The following KLHL6 variants were observed in gnomAD, a reference collection of about 807,000 sequenced individuals.
The protein encoded by KLHL6 is kelch-like protein 6.
In KLHL6, 41 loss-of-function variants were observed where a neutral mutation model predicts 58.6. The observed-to-expected ratio is 0.70, with a 90% confidence interval of 0.55 to 0.91. KLHL6 has a LOEUF of 0.91. Among genes scored for constraint, KLHL6 ranks in the 40% least tolerant of loss-of-function variants. The pLI is 0.00. For synonymous variants in KLHL6, 338 were observed against 322.7 expected (o/e 1.05, Z -0.51); for missense variants, 714 against 805.6 (o/e 0.89, Z 1.38).
At chr3:183,540,186 A>AT (rs909675620) in intron 1 of KLHL6, among the ~76,000 whole-genome samples, 3 of 152,200 alleles carry the variant, frequency 2.0e-5, no homozygotes, top group African/African-American at 7.2e-5. Flanking sequence ...TTTCTTTGGA[A>AT]TTACTGAGAA....
rs1167475161 is a variant in KLHL6, at chr3:183,511,594, G to A, written c.460-3086C>T. On this transcript the variant is annotated intron_variant, in intron 2 of 6. Transcript: ENST00000341319. ...TGGGGAAAGACCTTGGACAATACCC[G>A]GCTTTCCAGGGCAGAGGTCCCTGCG... is the stretch of plus-strand genomic sequence containing the variant. Among the ~76,000 whole-genome samples, 5 of 152,286 alleles carry A rather than the reference G, an allele frequency of 3.3e-5. No homozygotes were observed. In the East Asian group the frequency reaches 5.8e-4, roughly 18 times the overall value.
intron 1 of KLHL6, among the ~76,000 whole-genome samples, chr3:183,554,234 A>G (rs1201348435): frequency 6.6e-6 from 1 of 152,062 alleles, no homozygotes; most frequent in Non-Finnish European, 1.5e-5. Flanking sequence ...TAAAATTCCT[A>G]CCCCAGGGAC....
intron 3 of KLHL6, among the ~76,000 whole-genome samples, chr3:183,503,794 C>T (rs977185981): frequency 2.0e-5 from 3 of 152,026 alleles, no homozygotes; most frequent in African/African-American, 7.2e-5. Context: ...AAAAACAAAA[C>T]AAAATAAAAC....
chr3:183,515,483 G>C (rs1046359861), intron 2 of KLHL6, among the ~76,000 whole-genome samples: 3 of 152,196 alleles, frequency 2.0e-5, no homozygotes, highest in Non-Finnish European at 4.4e-5. Flanking sequence ...GGGAGTTCAA[G>C]TTTGCAGTGA....
chr3:183,544,163 C>CAAAAA (rs56357226), intron 1 of KLHL6, among the ~76,000 whole-genome samples: 16 of 56,986 alleles, frequency 2.8e-4, no homozygotes, highest in East Asian at 6.9e-4. Context: ...AACTCAGTCT[C>CAAAAA]AAAAAAAAAA....
At position 183,497,336 on chromosome 3, in the gene KLHL6, T is replaced by C. The variant is rs562327796; in HGVS notation, c.1147+2254A>G. ...CTGAGGCAGGAGAATTGCTTGAACC[T>C]GGGAGGCAGAGGTTGCAGTGAGCCG... is the stretch of plus-strand genomic sequence containing the variant. On this transcript the variant is annotated intron_variant, in intron 4 of 6. Coordinates refer to ENST00000341319, the MANE Select transcript of KLHL6 (RefSeq NM_130446.4). 3.3e-5 allele frequency among the ~76,000 whole-genome samples: 5 copies of C among 152,202 alleles called. No homozygotes were observed. In the South Asian group the frequency reaches 1.0e-3, roughly 32 times the overall value.
chr3:183,538,716 T>C (rs1303593122), intron 1 of KLHL6, among the ~76,000 whole-genome samples: 1 of 152,186 alleles, frequency 6.6e-6, no homozygotes, highest in African/African-American at 2.4e-5. Context: ...TAGCATGACA[T>C]GGCATCTCTC....
rs1553811023 is a variant in KLHL6 at position 183,525,267 on chromosome 3, A to ACACACACAC, written c.459+2577_459+2578insGTGTGTGTG. 8.7e-3 allele frequency among the ~76,000 whole-genome samples: 1,096 copies of ACACACACAC among 125,696 alleles called. 17 individuals are homozygous for ACACACACAC. Among genetic ancestry groups the ACACACACAC allele is most frequent in the African/African-American group, 0.028 (940 of 33,188 alleles). 82.5% of individuals were successfully genotyped at this position (125,696 alleles called of 152,430 possible). ...CAACAGAGTGAGACTCTCTAAAAAA[A>ACACACACAC]AAACACACACACACACACACACACA... is the stretch of plus-strand genomic sequence containing the variant. On this transcript the variant is annotated intron_variant, in intron 2 of 6. Transcript: ENST00000341319.
intron 1 of KLHL6, among the ~76,000 whole-genome samples, chr3:183,542,643 A>G (rs550831455): frequency 9.2e-5 from 14 of 152,112 alleles, no homozygotes; most frequent in Admixed American, 2.6e-4. Flanking sequence ...CAAACCTCTC[A>G]CAGCCCCTGT....
intron 2 of KLHL6, among the ~76,000 whole-genome samples, chr3:183,526,340 C>T (rs1382476445): frequency 3.3e-5 from 5 of 152,110 alleles, no homozygotes; most frequent in African/African-American, 1.2e-4. Context: ...ATAATTTTTA[C>T]AAACCACAAA....
chr3:183,507,324 T>C (rs1718035671), intron 3 of KLHL6, among the ~76,000 whole-genome samples: 1 of 152,158 alleles, frequency 6.6e-6, no homozygotes, highest in African/African-American at 2.4e-5. Context: ...TGTCAGAGTA[T>C]ATACAAGAGA....
rs141833676 is a variant in KLHL6 at position 183,494,151 on chromosome 3, G to A, written c.1278C>T (p.Ile426=). ...TTCTCTGTAAGCCGTCAAAGCCTCC[G>A]ATCACATAGACCTTGCCACCCAACA... ...MVVLGGKVYV[I]GGFDGLQRIN... The change falls in exon 5 of 7, where the codon ATC becomes ATT. Residue 426 remains isoleucine (I), a synonymous_variant. Transcript: ENST00000341319. The A allele has an allele frequency of 1.5e-5, 25 of 1,614,040 alleles. No homozygotes were observed. Among genetic ancestry groups the A allele is most frequent in the South Asian group, 2.2e-5 (2 of 91,080 alleles).
intron 2 of KLHL6, among the ~76,000 whole-genome samples, chr3:183,523,748 T>G (rs571529757): frequency 6.6e-6 from 1 of 151,890 alleles, no homozygotes; most frequent in African/African-American, 2.4e-5. Flanking sequence ...TTTGGCTACA[T>G]TTCATGAGGT....
intron 1 of KLHL6, among the ~76,000 whole-genome samples, chr3:183,532,806 A>C (rs918137188): frequency 1.3e-5 from 2 of 152,192 alleles, no homozygotes; most frequent in African/African-American, 4.8e-5. Context: ...GTTTTCACTC[A>C]GTGAGCAATG....
chr3:183,525,261 A>G (rs1261325230), intron 2 of KLHL6, among the ~76,000 whole-genome samples: 1 of 140,292 alleles, frequency 7.1e-6, no homozygotes, highest in African/African-American at 2.7e-5. Flanking sequence ...GAGACTCTCT[A>G]AAAAAAAAAC....
chr3:183,554,952 G>T (rs1218179958), intron 1 of KLHL6, among the ~76,000 whole-genome samples: 2 of 152,094 alleles, frequency 1.3e-5, no homozygotes, highest in Admixed American at 1.3e-4. Flanking sequence ...ATCACCTGAG[G>T]TCGGGAGTTC....
chr3:183,516,953 A>T (rs1711588703), intron 2 of KLHL6, among the ~76,000 whole-genome samples: 2 of 152,232 alleles, frequency 1.3e-5, no homozygotes, highest in African/African-American at 4.8e-5. Context: ...GCTGTCACCC[A>T]GGCTGGAGTG....
Position 183,527,874 on chromosome 3 carries a change from G to T in KLHL6, c.430C>A (p.Arg144=). Residue 144 remains arginine (R), a synonymous_variant, in exon 2 of 7, where the codon CGG becomes AGG. Coordinates refer to ENST00000341319, the MANE Select transcript of KLHL6 (RefSeq NM_130446.4). Reference sequence around the variant, plus strand: ...AAGAGGTTAGCAGCCTCCAGGACCCGCTGGACATTCTGCTTGGTGATCAGC... The same window carrying T: ...AAGAGGTTAGCAGCCTCCAGGACCCTCTGGACATTCTGCTTGGTGATCAGC... ...KALITKQNVQ[R]VLEAANLFQF... 8 of 1,614,012 alleles carry T rather than the reference G, an allele frequency of 5.0e-6. No homozygotes were observed. The highest frequency in any genetic ancestry group is 2.2e-5 in the South Asian group (2 of 91,064).
Position 183,534,910 on chromosome 3 carries a change from G to A in KLHL6, c.294-6900C>T, listed in dbSNP as rs1712307965. 2.7e-5 allele frequency among the ~76,000 whole-genome samples: 4 copies of A among 146,164 alleles called. No individual in the cohort carries two copies. The South Asian group carries it at 8.5e-4, about 31-fold the overall frequency. The stretch of plus-strand genomic sequence containing the variant: ...TATATGTATATATGTATGTATGTAT[G>A]TATATATGTATGCATATATATACAT... On this transcript the variant is annotated intron_variant, in intron 1 of 6. Coordinates refer to ENST00000341319, the MANE Select transcript of KLHL6 (RefSeq NM_130446.4).
Sources: allele counts gnomAD v4.1 joint callset (sites outside exome capture counted in the v4.1 genomes callset), GRCh38; gene constraint gnomAD v4.1.1; transcripts MANE v1.5; gene names NCBI Gene and HGNC (gene_info 2026-07-23, HGNC 2026-07-21).